Variants in TIAM1 observed in about 807,000 individuals in gnomAD.
TIAM1 encodes TIAM Rac1 associated GEF 1.
Under a neutral mutation model 163.5 loss-of-function variants are expected in TIAM1, and 65 were observed. The observed-to-expected ratio is 0.40, with a 90% confidence interval of 0.33 to 0.49. The LOEUF (loss-of-function observed/expected upper bound fraction) is 0.49, where lower values mean the gene tolerates loss of function less well. Ranked by LOEUF, TIAM1 falls within the 20% of genes least tolerant of loss-of-function variation. The pLI is 0.77. For missense variants in TIAM1, 1,789 were observed against 2,044.7 expected (o/e 0.87, Z 2.41); for synonymous variants, 833 against 810.1 (o/e 1.03, Z -0.48).
intron 3 of TIAM1, 43 bp from the exon 4 acceptor site, chr21:31,267,026 A>G (rs2072816858): frequency 6.5e-7 from 1 of 1,549,694 alleles, no homozygotes; most frequent in Non-Finnish European, 8.7e-7. Context: ...AGTCACTATT[A>G]GTACAGGTAT....
At chr21:31,512,287 TG>T (rs2047234393) in intron 1 of TIAM1, among the ~76,000 whole-genome samples, 1 of 151,560 alleles carries the variant, frequency 6.6e-6, no homozygotes, top group African/African-American at 2.4e-5. Context: ...TTTGTAGAGG[TG>T]GGGCCTCCCC....
chr21:31,154,365 C>T lies in TIAM1; in HGVS notation c.3053G>A (p.Ser1018Asn), dbSNP rs760710567. The T allele has an allele frequency of 6.2e-7, 1 of 1,614,114 alleles. No homozygotes were observed. The highest frequency in any genetic ancestry group is 8.5e-7 in the Non-Finnish European group (1 of 1,180,026). Residue 1018 changes from serine (S) to asparagine (N), a missense_variant, in exon 17 of 28, where the codon AGC (serine) becomes AAC (asparagine). This residue lies in a region of TIAM1 where 303 missense variants were observed against 321.3 expected (regional missense o/e 0.94). Transcript: ENST00000541036. ...SLHEMNPSDQ[S>N]PSPQDSTGPQ... ...CCCCGTGGAGTCCTGAGGAGATGGG[C>T]TCTGGTCAGAGGGGTTCATCTCATG... is the stretch of plus-strand genomic sequence containing the variant.
intron 2 of TIAM1, among the ~76,000 whole-genome samples, chr21:31,378,358 TG>T (rs1340086311): frequency 6.6e-6 from 1 of 152,092 alleles, no homozygotes. Context: ...AAAATTCACA[TG>T]ATCTTGGCTT....
intron 2 of TIAM1, among the ~76,000 whole-genome samples, chr21:31,380,780 C>A (rs371803173): frequency 1.9e-4 from 29 of 152,218 alleles, no homozygotes; most frequent in African/African-American, 6.7e-4. Context: ...CTAAATTTAA[C>A]ATATCCACAA....
intron 2 of TIAM1, among the ~76,000 whole-genome samples, chr21:31,461,112 C>CCA (rs1375539398): frequency 2.0e-5 from 3 of 152,132 alleles, no homozygotes; most frequent in Non-Finnish European, 4.4e-5. Context: ...ATAAAACAAA[C>CCA]CACATGGTAG....
intron 2 of TIAM1, among the ~76,000 whole-genome samples, chr21:31,410,520 T>C (rs998001417): frequency 7.5e-6 from 1 of 133,828 alleles, no homozygotes; most frequent in Non-Finnish European, 1.6e-5. Context: ...TATGTGAGAG[T>C]GCATGAGACT....
chr21:31,280,925 G>A (rs1013848273), intron 2 of TIAM1, among the ~76,000 whole-genome samples: 1 of 151,380 alleles, frequency 6.6e-6, no homozygotes, highest in Non-Finnish European at 1.5e-5. Context: ...GACCAGCCTG[G>A]GCAAAACAGT....
At chr21:31,376,902 G>A (rs545229) in intron 2 of TIAM1, among the ~76,000 whole-genome samples, 24,376 of 151,676 alleles carry the variant, frequency 0.16, 2,069 homozygotes, top group African/African-American at 0.18. Flanking sequence ...TCTGTCACCC[G>A]GGCTGGGGTG....
intron 1 of TIAM1, among the ~76,000 whole-genome samples, chr21:31,530,767 T>G (rs1018579790): frequency 2.6e-5 from 4 of 152,120 alleles, no homozygotes; most frequent in African/African-American, 9.7e-5. Context: ...GGCCTGGAAA[T>G]GTAAGTGGGC....
intron 3 of TIAM1, among the ~76,000 whole-genome samples, chr21:31,272,791 T>C (rs2073121160): frequency 1.3e-5 from 2 of 152,184 alleles, no homozygotes; most frequent in African/African-American, 4.8e-5. Context: ...TATTCTAACA[T>C]AATTTCAATG....
In TIAM1 at chr21:31,488,996, G is replaced by A. The variant is rs981668182; in HGVS notation, c.-421-24961C>T. Among the ~76,000 whole-genome samples, 5 of 101,156 alleles carry A rather than the reference G, an allele frequency of 4.9e-5. No individual in the cohort carries two copies. In the East Asian group the frequency reaches 6.2e-4, roughly 13 times the overall value. The allele number at this position is 101,156 out of a possible 152,430, so 66.4% of individuals were successfully genotyped here. On this transcript the variant is annotated intron_variant, in intron 1 of 28. Coordinates refer to the TIAM1 transcript ENST00000286827. ...TGTATTCTCTCCAAGGAAAATGCATGCTACAATCAGAAAAAAAAAAATACT... is the reference window on the plus strand; with the variant it reads ...TGTATTCTCTCCAAGGAAAATGCATACTACAATCAGAAAAAAAAAAATACT...
intron 2 of TIAM1, among the ~76,000 whole-genome samples, chr21:31,461,722 G>A (rs1315208022): frequency 1.3e-5 from 2 of 152,192 alleles, no homozygotes; most frequent in African/African-American, 2.4e-5. Context: ...CTGGAGTGCA[G>A]TAGTGTGATC....
chr21:31,554,472 G>C lies in TIAM1; in HGVS notation c.-422+4455C>G, dbSNP rs149747362. On this transcript the variant is annotated intron_variant, in intron 1 of 28. Coordinates refer to the TIAM1 transcript ENST00000286827. Reference sequence around the variant, plus strand: ...TCCATATTATACTTCAGTTTTGCTAGGTTCCAAAAGGCTAGGATGCCCCCA... The same window carrying C: ...TCCATATTATACTTCAGTTTTGCTACGTTCCAAAAGGCTAGGATGCCCCCA... Among the ~76,000 whole-genome samples, 338 of 152,174 alleles carry C rather than the reference G, an allele frequency of 2.2e-3. 5 individuals carry two copies. Among genetic ancestry groups the C allele is most frequent in the African/African-American group, 7.9e-3 (326 of 41,516 alleles).
At chr21:31,526,943 C>G (rs1379951155) in intron 1 of TIAM1, among the ~76,000 whole-genome samples, 1 of 152,088 alleles carries the variant, frequency 6.6e-6, no homozygotes, top group Non-Finnish European at 1.5e-5. Flanking sequence ...CTCAGGTGAT[C>G]CACCTGCCTC....
intron 1 of TIAM1, among the ~76,000 whole-genome samples, chr21:31,508,631 C>G (rs2047111962): frequency 6.6e-6 from 1 of 152,140 alleles, no homozygotes; most frequent in Non-Finnish European, 1.5e-5. Flanking sequence ...CTCAGGTGAT[C>G]TGCCCGCCTC....
In TIAM1 at chr21:31,316,039, A is replaced by AACAAAGAGTGGC. The variant is rs560412861; in HGVS notation, c.-189+23203_-189+23204insGCCACTCTTTGT. 4.7e-3 allele frequency among the ~76,000 whole-genome samples: 714 copies of AACAAAGAGTGGC among 152,298 alleles called. 5 individuals are homozygous for AACAAAGAGTGGC. Among genetic ancestry groups the AACAAAGAGTGGC allele is most frequent in the African/African-American group, 0.016 (664 of 41,576 alleles). The stretch of plus-strand genomic sequence containing the variant: ...TGATGACCCTGAAATTGTGTCACAA[A>AACAAAGAGTGGC]AATACGGCCGACTGTCAATAACCTT... On this transcript the variant is annotated intron_variant, in intron 2 of 27. Coordinates refer to ENST00000541036, the MANE Select transcript of TIAM1 (RefSeq NM_001353694.2).
chr21:31,321,012 T>A (rs182132446), intron 2 of TIAM1, among the ~76,000 whole-genome samples: 85 of 148,248 alleles, frequency 5.7e-4, no homozygotes, highest in Non-Finnish European at 9.7e-4. Flanking sequence ...GAGATCTGGG[T>A]ACAGTGGTGT....
At chr21:31,301,369 G>A (rs921216781) in intron 2 of TIAM1, among the ~76,000 whole-genome samples, 4 of 152,130 alleles carry the variant, frequency 2.6e-5, no homozygotes, top group Admixed American at 6.6e-5. Flanking sequence ...ATAACAGCCC[G>A]TAACTATGGA....
At chr21:31,227,151 T>A (rs1389957926) in intron 6 of TIAM1, among the ~76,000 whole-genome samples, 3 of 151,820 alleles carry the variant, frequency 2.0e-5, no homozygotes, top group Non-Finnish European at 2.9e-5. Flanking sequence ...GAGACAGGGT[T>A]TCACCATGTT....
Sources: gnomAD v4.1 joint callset for allele counts (sites outside exome capture counted in the v4.1 genomes callset) on GRCh38, gnomAD v4.1.1 for gene constraint, gnomAD v4.1.1 regional missense constraint, MANE v1.5 for transcripts, NCBI Gene and HGNC (gene_info 2026-07-23, HGNC 2026-07-21) for gene names.